Variants in CTRC observed in about 807,000 individuals in gnomAD.
The protein encoded by CTRC is chymotrypsin C.
Under a neutral mutation model 35.7 loss-of-function variants are expected in CTRC, and 32 were observed. The ratio of observed to expected loss-of-function variants is 0.90; its 90% CI spans 0.68 to 1.20. The LOEUF (loss-of-function observed/expected upper bound fraction) is 1.20. CTRC is among the 50% of genes most tolerant of loss of function. The probability of loss-of-function intolerance (pLI) is 0.00; values close to 1 mark genes in which losing one functional copy is unlikely to be tolerated. For missense variants in CTRC, 324 were observed against 361.5 expected (o/e 0.90, Z 0.84); for synonymous variants, 119 against 149.5 (o/e 0.80, Z 1.49).
rs1266079784 is a variant in CTRC at position 15,438,448 on chromosome 1, G to C, written c.-17G>C. 1 of 1,614,142 alleles carries C rather than the reference G, an allele frequency of 6.2e-7. No homozygotes were observed. Among genetic ancestry groups the C allele is most frequent in the East Asian group, 2.2e-5 (1 of 44,872 alleles). On this transcript the variant is annotated 5_prime_UTR_variant, in exon 1 of 8. Transcript: ENST00000375949. ...CCCAGCCCATCCCGATGGTCAGCCA[G>C]TCCTGAGCACCTAACCATGTTGGGC...
intron 7 of CTRC, among the ~76,000 whole-genome samples, chr1:15,445,959 C>CATTTATTCATTCACTCATGCATTT (rs35392581): frequency 7.6e-4 from 115 of 151,828 alleles, no homozygotes; most frequent in African/African-American, 2.7e-3. Flanking sequence ...TTCACTCATG[C>CATTTATTCATTCACTCATGCATTT]ATTCATTCAT....
chr1:15,446,809 G>A lies in CTRC; in HGVS notation c.*220G>A, dbSNP rs1181272396. The A allele has an allele frequency of 4.6e-6, 3 of 652,472 alleles. No homozygotes were observed. The highest frequency in any genetic ancestry group is 8.3e-6 in the Non-Finnish European group (3 of 362,302). 40.4% of individuals were successfully genotyped at this position (652,472 alleles called of 1,614,324 possible). ...ACAGAGGCCGGGAGAGAGGGCCAAG[G>A]AAGGAGCCTCCTGGGGCATTAATGG... On this transcript the variant is annotated 3_prime_UTR_variant, in exon 8 of 8. Transcript: ENST00000375949.
At chr1:15,438,549 G>A (rs2103288068) in intron 1 of CTRC, 45 bp downstream of exon 1, 1 of 1,611,632 alleles carries the variant, frequency 6.2e-7, no homozygotes, top group Non-Finnish European at 8.5e-7. Flanking sequence ...GTGAGCTCGG[G>A]CTGGCCTCCA....
chr1:15,445,703 C>G lies in CTRC; in HGVS notation c.746C>G (p.Pro249Arg). 6.2e-7 allele frequency: 1 copy of G among 1,613,956 alleles called. No homozygotes were observed. Among genetic ancestry groups the G allele is most frequent in the African/African-American group, 1.3e-5 (1 of 75,048 alleles). ...SRRGCNTRKK[P>R]VVYTRVSAYI... ...CGGGGCTGCAACACCCGCAAGAAGC[C>G]GGTAGTCTACACCCGGGTGTCCGCC... The change falls in exon 7 of 8, where the codon CCG (proline) becomes CGG (arginine). Residue 249 changes from proline to arginine, a missense_variant. Pro to Arg is a moderately radical substitution (Grantham distance 103, BLOSUM62 -2). Coordinates refer to ENST00000375949, the MANE Select transcript of CTRC (RefSeq NM_007272.3).
chr1:15,439,125 C>A (rs923855991), intron 1 of CTRC, among the ~76,000 whole-genome samples: 1 of 152,072 alleles, frequency 6.6e-6, no homozygotes, highest in Non-Finnish European at 1.5e-5. Context: ...TCAAAACAAC[C>A]TTAAGAGGTA....
chr1:15,445,807 C>T, intron 7 of CTRC, 58 bp downstream of exon 7: 4 of 1,588,982 alleles, frequency 2.5e-6, no homozygotes, highest in Non-Finnish European at 3.5e-6. Context: ...CTCACTCACC[C>T]ATCCCCTCAC....
rs1197439183 is a variant in CTRC, at chr1:15,445,617, G to C, written c.660G>C (p.Leu220=). Residue 220 remains leucine, a synonymous_variant, in exon 7 of 8, where the codon CTG becomes CTC. Coordinates refer to ENST00000375949, the MANE Select transcript of CTRC (RefSeq NM_007272.3). Reference sequence around the variant, plus strand: ...TGCAGGGGGACTCCGGTGGCCCACTGAACTGCCAGTTGGAGAACGGTTCCT... The same window carrying C: ...TGCAGGGGGACTCCGGTGGCCCACTCAACTGCCAGTTGGAGAACGGTTCCT... ...SACNGDSGGP[L]NCQLENGSWE... is the part of the protein sequence containing the mutation. The C allele has an allele frequency of 6.2e-7, 1 of 1,614,210 alleles. No individual in the cohort carries two copies. The highest frequency in any genetic ancestry group is 1.7e-5 in the Admixed American group (1 of 60,028).
intron 1 of CTRC, among the ~76,000 whole-genome samples, 196 bp downstream of exon 1, chr1:15,438,700 CA>C (rs1229040649): frequency 6.6e-6 from 1 of 152,170 alleles, no homozygotes. Flanking sequence ...TCCACATCTG[CA>C]AAACAGGGAA....
At position 15,444,611 on chromosome 1, in the gene CTRC, G is replaced by C. The variant is rs141205711; in HGVS notation, c.499G>C (p.Gly167Arg). The part of the protein sequence containing the change: ...VTGWGRLWTN[G>R]PIADKLQQGL... ...ACTGCTCACTCTCTCCCCAGCCAAC[G>C]GCCCCATTGCTGATAAGCTGCAGCA... The change falls in exon 6 of 8, where the codon GGC (glycine) becomes CGC (arginine). Residue 167 changes from glycine (G) to arginine (R), a missense_variant. By Grantham distance (125) the Gly-to-Arg change is moderately radical (BLOSUM62 -2). Transcript: ENST00000375949. 7 of 1,614,054 alleles carry C rather than the reference G, an allele frequency of 4.3e-6. No individual in the cohort carries two copies. Among genetic ancestry groups the C allele is most frequent in the Non-Finnish European group, 5.9e-6 (7 of 1,180,038 alleles).
rs1419942554 is a variant in CTRC at position 15,447,783 on chromosome 1, G to A, written c.*1194G>A. On this transcript the variant is annotated 3_prime_UTR_variant, in exon 8 of 8. Transcript: ENST00000375949. Reference sequence around the variant, plus strand: ...ACCAGACTTTGTCCCCTGGGAGTGGGGACCATGGTGTGACTCCCACACCCC... The same window carrying A: ...ACCAGACTTTGTCCCCTGGGAGTGGAGACCATGGTGTGACTCCCACACCCC... The A allele has an allele frequency of 6.6e-6, 1 of 152,218 alleles. No homozygotes were observed. 9.4% of individuals were successfully genotyped at this position (152,218 alleles called of 1,614,324 possible).
rs758984378 is a variant in CTRC at position 15,438,493 on chromosome 1, T to C, written c.29T>C (p.Leu10Pro). Residue 10 changes from leucine to proline, a missense_variant, in exon 1 of 8, where the codon CTC becomes CCC. By Grantham distance (98) the Leu-to-Pro change is moderately conservative (BLOSUM62 -3). Transcript: ENST00000375949. MLGITVLAA[L>P]LACASSCGVP... ...TTGGGCATCACTGTCCTCGCTGCGC[T>C]CTTGGCCTGTGGTAAGCGGTGGGGT... 1.9e-6 allele frequency: 3 copies of C among 1,614,024 alleles called. No individual in the cohort carries two copies. In the South Asian group the frequency reaches 3.3e-5, roughly 18 times the overall value.
intron 1 of CTRC, 95 bp from the exon 2 acceptor site, chr1:15,440,205 A>G (rs1708108460): frequency 8.6e-7 from 1 of 1,156,500 alleles, no homozygotes; most frequent in Non-Finnish European, 1.3e-6. Flanking sequence ...GCCCAGCCCC[A>G]ACTCTGTGCT....
At chr1:15,444,812 G>C (rs1379012049) in intron 6 of CTRC, 61 bp downstream of exon 6, 5 of 1,606,152 alleles carry the variant, frequency 3.1e-6, no homozygotes, top group Non-Finnish European at 3.4e-6. Flanking sequence ...TGTGGGCAAA[G>C]GGGGGTGCGA....
At chr1:15,441,037 A>G (rs1708125322) in intron 3 of CTRC, among the ~76,000 whole-genome samples, 1 of 151,994 alleles carries the variant, frequency 6.6e-6, no homozygotes, top group African/African-American at 2.4e-5. Flanking sequence ...AAAATTAGCC[A>G]GGCGTGGTGG....
At chr1:15,440,226 G>GCCCCCCCCCCCCCCCCCC in intron 1 of CTRC, 74 bp from the exon 2 acceptor site, 3 of 523,576 alleles carry the variant, frequency 5.7e-6, no homozygotes, top group Non-Finnish European at 1.1e-5. Flanking sequence ...TCTTCCACCT[G>GCCCCCCCCCCCCCCCCCC]CCCACCCTCC....
At chr1:15,441,153 C>T (rs992902990) in intron 3 of CTRC, among the ~76,000 whole-genome samples, 3 of 152,094 alleles carry the variant, frequency 2.0e-5, no homozygotes, top group African/African-American at 7.2e-5. Flanking sequence ...GCACTCTAGC[C>T]TGGGCAACAG....
intron 7 of CTRC, among the ~76,000 whole-genome samples, chr1:15,446,084 ACTT>A (rs766640945): frequency 2.6e-5 from 4 of 152,208 alleles, no homozygotes; most frequent in Non-Finnish European, 4.4e-5. Context: ...TCATTCATGC[ACTT>A]CTTCACACAT....
At position 15,438,491 on chromosome 1, in the gene CTRC, G is replaced by A. The variant is rs374821228; in HGVS notation, c.27G>A (p.Ala9=). 3.4e-5 allele frequency: 55 copies of A among 1,614,066 alleles called. No homozygotes were observed. The Middle Eastern group carries it at 5.0e-4, about 15-fold the overall frequency. ...TGTTGGGCATCACTGTCCTCGCTGC[G>A]CTCTTGGCCTGTGGTAAGCGGTGGG... MLGITVLA[A]LLACASSCGV... is the part of the protein sequence containing the mutation. The change falls in exon 1 of 8, where the codon GCG becomes GCA. Residue 9 remains alanine, a synonymous_variant. Transcript: ENST00000375949.
At position 15,440,494 on chromosome 1, in the gene CTRC, T is replaced by A. The variant is rs758920912; in HGVS notation, c.134T>A (p.Ile45Asn). The A allele has an allele frequency of 2.5e-6, 4 of 1,614,082 alleles. No homozygotes were observed. The highest frequency in any genetic ancestry group is 2.2e-5 in the South Asian group (2 of 91,062). Residue 45 changes from isoleucine (I) to asparagine (N), a missense_variant and splice_region_variant, in exon 3 of 8, where the codon ATC becomes AAC. By Grantham distance (149) the Ile-to-Asn change is moderately radical (BLOSUM62 -3). Coordinates refer to ENST00000375949, the MANE Select transcript of CTRC (RefSeq NM_007272.3). ...DARPHSWPWQ[I>N]SLQYLKNDTW... ...ACAGCCCTCCCCACCCTCCTGCAGA[T>A]CTCCCTCCAGTACCTCAAGAACGAC...
Sources: allele counts gnomAD v4.1 joint callset (sites outside exome capture counted in the v4.1 genomes callset), GRCh38; gene constraint gnomAD v4.1.1; transcripts MANE v1.5; gene names NCBI Gene and HGNC (gene_info 2026-07-23, HGNC 2026-07-21).